COG6: variants seen among roughly 807,000 people sequenced by gnomAD.
The protein encoded by COG6 is component of oligomeric golgi complex 6.
COG6 carries 74 observed loss-of-function variants against 88.8 expected under a neutral mutation model. That is an observed-to-expected ratio of 0.83 (90% CI 0.69 to 1.01). The LOEUF is 1.01. COG6 is among the 50% of genes least tolerant of loss of function. COG6 has a pLI of 0.00. For missense variants in COG6, 800 were observed against 797.9 expected, an observed-to-expected ratio of 1.00 and a Z score of -0.03; for synonymous variants, 286 against 278.7, an observed-to-expected ratio of 1.03 and a Z score of -0.26.
intron 1 of COG6, chr13:39,656,151 C>T (rs759181824): frequency 1.5e-5 from 9 of 617,340 alleles, no homozygotes; most frequent in Middle Eastern, 2.5e-4. Flanking sequence ...GATTGGTGAA[C>T]GGTGGTGCCT....
At chr13:39,788,450 T>A in exon 19 of COG6, 2 of 1,245,160 alleles carry the variant, frequency 1.6e-6, no homozygotes, top group Non-Finnish European at 2.3e-6. Context: ...GGACTGGCTA[T>A]AGAAATGTGG....
chr13:39,665,956 A>G (rs146269092), intron 4 of COG6, among the ~76,000 whole-genome samples: 29 of 152,338 alleles, frequency 1.9e-4, no homozygotes, highest in African/African-American at 6.5e-4. Context: ...ATGCAGCTTT[A>G]TTGGAACACA....
intron 1 of COG6, among the ~76,000 whole-genome samples, chr13:39,657,909 A>G (rs186627925): frequency 6.6e-6 from 1 of 152,268 alleles, no homozygotes; most frequent in East Asian, 1.9e-4. Flanking sequence ...TTAGTTGTCT[A>G]TACTATACCT....
intron 18 of COG6, among the ~76,000 whole-genome samples, chr13:39,744,885 T>C (rs1253677701): frequency 6.6e-6 from 1 of 152,192 alleles, no homozygotes; most frequent in Admixed American, 6.5e-5. Context: ...AACATCATGG[T>C]ACTGGTATCA....
rs1879138012 is a variant in COG6, at chr13:39,726,411, A to C, written c.1747-1058A>C. On this transcript the variant is annotated intron_variant, in intron 17 of 18. Coordinates refer to ENST00000455146, the MANE Select transcript of COG6 (RefSeq NM_020751.3). The stretch of plus-strand genomic sequence containing the variant: ...GAGTACAGTTATGTGTTATGATAAT[A>C]TGGTGAATTAATTCATACATATCCA... Among the ~76,000 whole-genome samples the C allele has an allele frequency of 2.0e-5, 3 of 151,978 alleles. No homozygotes were observed. In the South Asian group the frequency reaches 6.2e-4, roughly 31 times the overall value.
chr13:39,693,049 G>A (rs907864516), intron 11 of COG6, among the ~76,000 whole-genome samples: 12 of 151,670 alleles, frequency 7.9e-5, no homozygotes, highest in Admixed American at 2.6e-4. Flanking sequence ...GTGACTGTTG[G>A]GTTTTGCTGA....
chr13:39,734,452 G>A (rs868252178), intron 18 of COG6, among the ~76,000 whole-genome samples: 3 of 151,958 alleles, frequency 2.0e-5, no homozygotes, highest in African/African-American at 7.3e-5. Flanking sequence ...TTCCATTGTG[G>A]TCAGAGAAGA....
chr13:39,769,800 A>G (rs781698842), intron 18 of COG6, among the ~76,000 whole-genome samples: 2 of 152,142 alleles, frequency 1.3e-5, no homozygotes, highest in Non-Finnish European at 2.9e-5. Flanking sequence ...GCCCTTATAA[A>G]ATAGGCATGA....
intron 18 of COG6, among the ~76,000 whole-genome samples, chr13:39,780,185 C>T (rs78588492): frequency 1.3e-5 from 2 of 152,314 alleles, no homozygotes; most frequent in African/African-American, 2.4e-5. Context: ...CTACTTTTCT[C>T]AAGTACAGCC....
intron 13 of COG6, among the ~76,000 whole-genome samples, chr13:39,700,961 A>G (rs1049241215): frequency 6.6e-6 from 1 of 151,962 alleles, no homozygotes; most frequent in Admixed American, 6.6e-5. Context: ...AATATGCTAG[A>G]ACATGAGTAT....
chr13:39,726,476 G>C (rs774870155), intron 17 of COG6, among the ~76,000 whole-genome samples: 8 of 151,856 alleles, frequency 5.3e-5, no homozygotes, highest in African/African-American at 1.9e-4. Context: ...CAGTAACCAA[G>C]TCCTGATGGT....
downstream of COG6, among the ~76,000 whole-genome samples, chr13:39,755,006 G>A (rs1044886735): frequency 6.6e-5 from 10 of 152,074 alleles, no homozygotes; most frequent in East Asian, 1.9e-3. Flanking sequence ...TAACTATTTG[G>A]TTAAGATGTA....
At chr13:39,669,462 T>C (rs966100217) in intron 4 of COG6, among the ~76,000 whole-genome samples, 3 of 152,246 alleles carry the variant, frequency 2.0e-5, no homozygotes, top group Admixed American at 6.5e-5. Flanking sequence ...TTGCAACTAA[T>C]CGTTGATTTG....
rs534572328 is a variant in COG6, at chr13:39,722,632, A to G, written c.1585-701A>G. ...TGTACTGGCACAAAAAAAAAAAAAA[A>G]AAGAACAAGATTTTTTCTCACCAGG... On this transcript the variant is annotated intron_variant, in intron 15 of 18. Transcript: ENST00000455146. Among the ~76,000 whole-genome samples the G allele has an allele frequency of 3.5e-3, 530 of 152,098 alleles. 2 individuals are homozygous for G. The highest frequency in any genetic ancestry group is 0.012 in the African/African-American group (503 of 41,500).
chr13:39,661,304 T>C (rs1482672002), intron 3 of COG6, among the ~76,000 whole-genome samples: 1 of 152,226 alleles, frequency 6.6e-6, no homozygotes, highest in Non-Finnish European at 1.5e-5. Flanking sequence ...TTAGGTCTTT[T>C]AATGAAAGCA....
chr13:39,787,910 G>A (rs771556665), intron 18 of COG6, among the ~76,000 whole-genome samples: 3 of 152,136 alleles, frequency 2.0e-5, no homozygotes, highest in Non-Finnish European at 1.5e-5. Context: ...TTTGGTATCT[G>A]TGGGGATCCT....
chr13:39,732,816 A>G (rs533477852), intron 18 of COG6, among the ~76,000 whole-genome samples: 1 of 152,346 alleles, frequency 6.6e-6, no homozygotes, highest in South Asian at 2.1e-4. Flanking sequence ...TTGAAGCAGA[A>G]AAATTTGAAT....
intron 18 of COG6, among the ~76,000 whole-genome samples, chr13:39,773,520 C>A (rs1881375779): frequency 6.6e-6 from 1 of 152,094 alleles, no homozygotes; most frequent in Non-Finnish European, 1.5e-5. Flanking sequence ...AAACAAAAGC[C>A]CTGAACTGAA....
At chr13:39,681,370 G>A (rs759017165) in intron 7 of COG6, among the ~76,000 whole-genome samples, 2 of 151,892 alleles carry the variant, frequency 1.3e-5, no homozygotes. Context: ...TTTTTTTCAT[G>A]TATGTCTTAT....
Sources: allele counts gnomAD v4.1 joint callset (sites outside exome capture counted in the v4.1 genomes callset), GRCh38; gene constraint gnomAD v4.1.1; transcripts MANE v1.5; gene names NCBI Gene and HGNC (gene_info 2026-07-23, HGNC 2026-07-21).